FILIP1L: variants seen among roughly 807,000 people sequenced by gnomAD.
FILIP1L encodes the protein filamin A interacting protein 1 like.
FILIP1L carries 55 observed loss-of-function variants against 96.6 expected under a neutral mutation model. The observed-to-expected ratio is 0.57, with a 90% CI of 0.46 to 0.71. The LOEUF (loss-of-function observed/expected upper bound fraction) is 0.71, where lower values mean the gene tolerates loss of function less well. Among genes scored for constraint, FILIP1L ranks in the 30% least tolerant of loss-of-function variants. FILIP1L has a pLI of 0.00. For missense variants in FILIP1L, 1,304 were observed against 1,321.2 expected (o/e 0.99, Z 0.20); for synonymous variants, 467 against 473.9 (o/e 0.99, Z 0.19).
intron 1 of FILIP1L, among the ~76,000 whole-genome samples, chr3:99,983,034 A>G (rs1035538643): frequency 6.6e-6 from 1 of 151,012 alleles, no homozygotes; most frequent in Non-Finnish European, 1.5e-5. Context: ...ATATGAGGGA[A>G]GTCATTGTTC....
intron 1 of FILIP1L, among the ~76,000 whole-genome samples, chr3:99,984,971 T>G (rs1709287924): frequency 6.6e-6 from 1 of 152,152 alleles, no homozygotes; most frequent in Non-Finnish European, 1.5e-5. Context: ...AGAAAAGATT[T>G]AGTGGAAATG....
intron 1 of FILIP1L, among the ~76,000 whole-genome samples, chr3:99,964,882 T>G (rs890194511): frequency 6.6e-6 from 1 of 152,168 alleles, no homozygotes; most frequent in Non-Finnish European, 1.5e-5. Context: ...ATTAGATCAC[T>G]TGAACATCAG....
intron 1 of FILIP1L, among the ~76,000 whole-genome samples, chr3:100,022,305 A>C (rs957465111): frequency 2.0e-5 from 3 of 152,154 alleles, no homozygotes; most frequent in Non-Finnish European, 4.4e-5. Context: ...CACCACCCTA[A>C]GTTGAGCCAG....
At chr3:99,933,092 T>C (rs1183724085) in intron 1 of FILIP1L, among the ~76,000 whole-genome samples, 5 of 152,176 alleles carry the variant, frequency 3.3e-5, no homozygotes, top group African/African-American at 4.8e-5. Flanking sequence ...TTATTGAAGG[T>C]TGCACAGCTA....
chr3:100,023,436 G>A (rs897353091), intron 1 of FILIP1L: 9 of 152,538 alleles, frequency 5.9e-5, no homozygotes, highest in Non-Finnish European at 8.8e-5. Flanking sequence ...TTAAAGCAAC[G>A]TAAAGTTAAT....
chr3:100,009,747 G>C (rs1337628324), intron 1 of FILIP1L, among the ~76,000 whole-genome samples: 1 of 152,220 alleles, frequency 6.6e-6, no homozygotes, highest in Non-Finnish European at 1.5e-5. Flanking sequence ...ATATTTGAAA[G>C]TCTGCAGCTT....
chr3:99,945,836 C>T (rs985390899), intron 1 of FILIP1L, among the ~76,000 whole-genome samples: 11 of 152,194 alleles, frequency 7.2e-5, no homozygotes, highest in African/African-American at 2.7e-4. Context: ...CCTGTCAGGG[C>T]TCTCACGTTC....
intron 1 of FILIP1L, among the ~76,000 whole-genome samples, chr3:99,991,838 G>GTA (rs1709520266): frequency 6.8e-6 from 1 of 147,056 alleles, no homozygotes; most frequent in Non-Finnish European, 1.5e-5. Context: ...ATATATATAT[G>GTA]TGTGTGTGTG....
intron 1 of FILIP1L, among the ~76,000 whole-genome samples, chr3:100,076,704 C>G (rs535600328): frequency 6.6e-6 from 1 of 152,298 alleles, no homozygotes; most frequent in South Asian, 2.1e-4. Context: ...TGTTTGACTT[C>G]ACCTCTGTTT....
At chr3:100,055,376 G>C (rs1440852789) in intron 1 of FILIP1L, among the ~76,000 whole-genome samples, 1 of 152,142 alleles carries the variant, frequency 6.6e-6, no homozygotes, top group Non-Finnish European at 1.5e-5. Context: ...CAAGGTGACT[G>C]TATGATCCAC....
intron 1 of FILIP1L, 95 bp from the exon 2 acceptor site, chr3:99,931,125 AT>A: frequency 9.8e-7 from 1 of 1,017,974 alleles, no homozygotes; most frequent in Non-Finnish European, 1.5e-6. Flanking sequence ...TTCTTGTTAT[AT>A]TTACCACAGC....
chr3:99,913,238 G>C (rs948494141), intron 4 of FILIP1L, among the ~76,000 whole-genome samples: 1 of 152,102 alleles, frequency 6.6e-6, no homozygotes, highest in East Asian at 1.9e-4. Flanking sequence ...CAGCCCCAGC[G>C]GACTAAGGCA....
chr3:100,038,341 C>CA (rs983788931), intron 1 of FILIP1L, among the ~76,000 whole-genome samples: 3 of 151,780 alleles, frequency 2.0e-5, no homozygotes, highest in African/African-American at 4.8e-5. Flanking sequence ...TGAGCCCATC[C>CA]AAAAAAAATT....
rs565435102 is a variant in FILIP1L at position 99,957,322 on chromosome 3, A to G, written c.-10-26292T>C. 1.9e-4 allele frequency among the ~76,000 whole-genome samples: 29 copies of G among 152,228 alleles called. 1 individual carries two copies. Among genetic ancestry groups the G allele is most frequent in the Non-Finnish European group, 2.6e-4 (18 of 68,022 alleles). On this transcript the variant is annotated intron_variant, in intron 1 of 5. Transcript: ENST00000477258. ...ATTCTGATTTCCACATATTCTAAGC[A>G]TTAACAGAAAGTATTTAGTTGAAGA... is the stretch of plus-strand genomic sequence containing the variant.
chr3:99,904,802 C>A (rs961763691), intron 4 of FILIP1L, among the ~76,000 whole-genome samples: 2 of 152,152 alleles, frequency 1.3e-5, no homozygotes, highest in African/African-American at 4.8e-5. Flanking sequence ...TCTCAGTTGG[C>A]TTTTCCCCCT....
At chr3:99,907,490 A>C (rs1051894309) in intron 4 of FILIP1L, among the ~76,000 whole-genome samples, 1 of 151,660 alleles carries the variant, frequency 6.6e-6, no homozygotes, top group African/African-American at 2.4e-5. Context: ...CTCATGATCC[A>C]CCCGCCTCGG....
chr3:100,018,804 A>G (rs773033084), intron 1 of FILIP1L, among the ~76,000 whole-genome samples: 4 of 152,062 alleles, frequency 2.6e-5, no homozygotes, highest in Non-Finnish European at 5.9e-5. Flanking sequence ...TTTGCAAACC[A>G]TGTATCAGGT....
chr3:99,923,263 C>G (rs1707181278), intron 4 of FILIP1L, among the ~76,000 whole-genome samples: 1 of 152,146 alleles, frequency 6.6e-6, no homozygotes, highest in Non-Finnish European at 1.5e-5. Context: ...CTTCTACAGA[C>G]CTATATTTCT....
At chr3:99,832,597 CTT>C (rs1278997088) in intron 5 of FILIP1L, among the ~76,000 whole-genome samples, 38 of 143,420 alleles carry the variant, frequency 2.6e-4, no homozygotes, top group African/African-American at 8.4e-4. Context: ...AATCCCAGCA[CTT>C]TGCGAGGCTG....
Sources: gnomAD v4.1 joint callset for allele counts (sites outside exome capture counted in the v4.1 genomes callset) on GRCh38, gnomAD v4.1.1 for gene constraint, MANE v1.5 for transcripts, NCBI Gene and HGNC (gene_info 2026-07-23, HGNC 2026-07-21) for gene names.